DSCAM: variants seen among roughly 807,000 people sequenced by gnomAD.
DSCAM encodes DS cell adhesion molecule.
Under a neutral mutation model 217.7 loss-of-function variants are expected in DSCAM, and 47 were observed. That is an observed-to-expected ratio of 0.22 (90% CI 0.17 to 0.28). DSCAM has a LOEUF of 0.28. Ranked by LOEUF, DSCAM falls within the 10% of genes least tolerant of loss-of-function variation. The pLI is 1.00. For missense variants in DSCAM, 2,080 were observed against 2,618.3 expected (o/e 0.79, Z 4.49); for synonymous variants, 1,056 against 1,015.3 (o/e 1.04, Z -0.76).
At chr21:40,334,819 A>G (rs982037619) in intron 8 of DSCAM, among the ~76,000 whole-genome samples, 1 of 152,082 alleles carries the variant, frequency 6.6e-6, no homozygotes, top group Non-Finnish European at 1.5e-5. Flanking sequence ...GGCTAAAAGC[A>G]TCCTTTTAAA....
At chr21:40,666,349 A>G (rs2090199434) in intron 3 of DSCAM, among the ~76,000 whole-genome samples, 1 of 152,208 alleles carries the variant, frequency 6.6e-6, no homozygotes, top group East Asian at 1.9e-4. Context: ...TATCATCCTC[A>G]TCATTTTCCA....
At chr21:40,838,402 A>G (rs2123674002) in intron 1 of DSCAM, among the ~76,000 whole-genome samples, 1 of 152,304 alleles carries the variant, frequency 6.6e-6, no homozygotes, top group Admixed American at 6.5e-5. Flanking sequence ...CGCTGGTCCT[A>G]ACACCAGCTT....
intron 20 of DSCAM, among the ~76,000 whole-genome samples, chr21:40,117,066 A>AATGATTT (rs940187633): frequency 1.2e-4 from 18 of 151,846 alleles, no homozygotes; most frequent in Non-Finnish European, 2.2e-4. Flanking sequence ...ATGATGGAAG[A>AATGATTT]ATGATTTCTA....
chr21:40,218,906 C>G (rs4487171), intron 11 of DSCAM, among the ~76,000 whole-genome samples: 10,005 of 152,190 alleles, frequency 0.066, 686 homozygotes, highest in African/African-American at 0.17. Context: ...ATGAAGTTCT[C>G]TACATATAGA....
intron 3 of DSCAM, among the ~76,000 whole-genome samples, chr21:40,405,592 C>T (rs1160581315): frequency 6.6e-6 from 1 of 152,126 alleles, no homozygotes; most frequent in Non-Finnish European, 1.5e-5. Flanking sequence ...GAAATATTTG[C>T]AAATCATATA....
At chr21:40,437,412 C>A (rs948291517) in intron 3 of DSCAM, among the ~76,000 whole-genome samples, 4 of 152,188 alleles carry the variant, frequency 2.6e-5, no homozygotes, top group African/African-American at 9.7e-5. Context: ...AAGCACCAAC[C>A]ATGGGAGAAG....
chr21:40,482,755 C>T (rs2837655), intron 3 of DSCAM, among the ~76,000 whole-genome samples: 72,632 of 151,962 alleles, frequency 0.48, 17,492 homozygotes, highest in African/African-American at 0.5. Flanking sequence ...CCTATGTTTT[C>T]TCCCAAAGAA....
intron 10 of DSCAM, among the ~76,000 whole-genome samples, chr21:40,289,150 T>C (rs1009687557): frequency 6.6e-6 from 1 of 152,194 alleles, no homozygotes; most frequent in Admixed American, 6.5e-5. Context: ...GTAACCTCTA[T>C]TTCCTATGAA....
intron 1 of DSCAM, among the ~76,000 whole-genome samples, chr21:40,721,852 CACA>C (rs542372670): frequency 6.6e-4 from 100 of 151,878 alleles, no homozygotes; most frequent in African/African-American, 2.3e-3. Context: ...TGTAGAAAAC[CACA>C]ACATGACACA....
At chr21:40,188,894 C>T (rs2090924781) in intron 12 of DSCAM, 148 bp downstream of exon 12, 1 of 754,912 alleles carries the variant, frequency 1.3e-6, no homozygotes, top group East Asian at 2.7e-5. Context: ...CTTCACTAAT[C>T]TCGCTGTGTG....
intron 3 of DSCAM, among the ~76,000 whole-genome samples, chr21:40,373,447 G>C (rs2074919587): frequency 6.6e-6 from 1 of 152,092 alleles, no homozygotes; most frequent in Non-Finnish European, 1.5e-5. Context: ...TTGGGTTTAG[G>C]AACATCCCAA....
intron 3 of DSCAM, among the ~76,000 whole-genome samples, chr21:40,517,869 G>T (rs961645623): frequency 2.0e-5 from 3 of 152,094 alleles, no homozygotes; most frequent in Non-Finnish European, 4.4e-5. Context: ...TGTTGCTGCT[G>T]CCTGTTCCTG....
intron 11 of DSCAM, among the ~76,000 whole-genome samples, chr21:40,224,872 T>A (rs993099410): frequency 6.6e-6 from 1 of 152,224 alleles, no homozygotes; most frequent in Non-Finnish European, 1.5e-5. Context: ...TCAAAAAAGA[T>A]AACAAGTCCA....
intron 3 of DSCAM, among the ~76,000 whole-genome samples, chr21:40,430,640 A>G (rs1410280034): frequency 1.3e-5 from 2 of 152,154 alleles, no homozygotes; most frequent in African/African-American, 2.4e-5. Context: ...ACACATATCT[A>G]TCCTATTAGT....
At chr21:40,474,629 T>C (rs2075918372) in intron 3 of DSCAM, among the ~76,000 whole-genome samples, 1 of 152,164 alleles carries the variant, frequency 6.6e-6, no homozygotes, top group Non-Finnish European at 1.5e-5. Flanking sequence ...GCCGCTTCCA[T>C]TCTGGTGCCT....
chr21:40,821,824 G>T (rs1057401651), intron 1 of DSCAM, among the ~76,000 whole-genome samples: 2 of 151,930 alleles, frequency 1.3e-5, no homozygotes, highest in Non-Finnish European at 2.9e-5. Context: ...GAACACATGG[G>T]CACATAGAGA....
At chr21:40,582,611 A>T (rs8131043) in intron 3 of DSCAM, among the ~76,000 whole-genome samples, 55 of 152,346 alleles carry the variant, frequency 3.6e-4, no homozygotes, top group Admixed American at 4.6e-4. Flanking sequence ...ATAAACACAC[A>T]TAATACATAT....
chr21:40,846,571 C>T (rs1294181210), intron 1 of DSCAM, 48 bp downstream of exon 1: 4 of 294,280 alleles, frequency 1.4e-5, no homozygotes, highest in African/African-American at 5.1e-5. Context: ...CCCCGCCCCC[C>T]CGGTCAATGA....
chr21:40,038,955 G>A (rs953050846), intron 32 of DSCAM, among the ~76,000 whole-genome samples: 1 of 146,434 alleles, frequency 6.8e-6, no homozygotes. Context: ...CTCATAGGTG[G>A]GAATTGAACA....
Sources: allele counts gnomAD v4.1 joint callset (sites outside exome capture counted in the v4.1 genomes callset), GRCh38; gene constraint gnomAD v4.1.1; transcripts MANE v1.5; gene names NCBI Gene and HGNC (gene_info 2026-07-23, HGNC 2026-07-21).